MYH7B: variants seen among roughly 807,000 people sequenced by gnomAD.
The protein encoded by MYH7B is myosin heavy chain 7B, also known as myosin-7B.
In MYH7B, 205 loss-of-function variants were observed where a neutral mutation model predicts 234.5. The ratio of observed to expected loss-of-function variants is 0.87; its 90% CI spans 0.78 to 0.98. MYH7B has a LOEUF of 0.98. Among genes scored for constraint, MYH7B ranks in the 50% least tolerant of loss-of-function variants. The pLI, the probability that MYH7B is intolerant of heterozygous loss-of-function variation, is 0.00. For missense variants in MYH7B, 2,652 were observed against 2,633.4 expected, an observed-to-expected ratio of 1.01 and a Z score of -0.15; for synonymous variants, 1,193 against 1,105.0, an observed-to-expected ratio of 1.08 and a Z score of -1.58.
At chr20:35,000,518 G>C in exon 39 of MYH7B, 1 of 1,594,708 alleles carries the variant, frequency 6.3e-7, no homozygotes, top group East Asian at 2.2e-5. Context: ...AGGAGCAGCG[G>C]CTGGCAGCTG....
At chr20:34,958,754 G>A (rs578144537) in intron 2 of MYH7B, among the ~76,000 whole-genome samples, 2 of 152,228 alleles carry the variant, frequency 1.3e-5, no homozygotes, top group South Asian at 2.1e-4. Flanking sequence ...GTGAGCCACC[G>A]TGCCCGGCCT....
At chr20:34,980,876 G>A (rs1482138013) in intron 8 of MYH7B, 142 bp downstream of exon 8, 8 of 1,481,628 alleles carry the variant, frequency 5.4e-6, no homozygotes, top group Middle Eastern at 3.7e-4. Context: ...CTGTCCCTCC[G>A]CATGGGAGCT....
intron 44 of MYH7B, 38 bp from the exon 45 acceptor site, chr20:35,002,139 A>C: frequency 6.2e-7 from 1 of 1,603,872 alleles, no homozygotes; most frequent in Non-Finnish European, 8.5e-7. Context: ...GGGGGCTGAC[A>C]GGTAGTACTG....
chr20:34,990,063 A>G, exon 21 of MYH7B: 1 of 1,614,150 alleles, frequency 6.2e-7, no homozygotes, highest in Non-Finnish European at 8.5e-7. Context: ...GATCCCCTGA[A>G]TGAGACCGTG....
intron 28 of MYH7B, 91 bp from the exon 29 acceptor site, chr20:34,996,255 G>A: frequency 7.0e-7 from 1 of 1,430,240 alleles, no homozygotes; most frequent in South Asian, 1.3e-5. Flanking sequence ...TCCCATAGCT[G>A]GAAGGGGCAC....
intron 2 of MYH7B, among the ~76,000 whole-genome samples, chr20:34,973,925 ATTT>A (rs34442200): frequency 2.5e-5 from 3 of 121,416 alleles, no homozygotes; most frequent in Non-Finnish European, 3.4e-5. Flanking sequence ...TGCCTGGCTA[ATTT>A]TTTTTTTTTT....
At chr20:34,994,387 C>T (rs781359472) in exon 27 of MYH7B, 10 of 1,581,584 alleles carry the variant, frequency 6.3e-6, no homozygotes, top group Non-Finnish European at 8.6e-6. Flanking sequence ...TGACCTGGCC[C>T]TGCAGCTGCA....
At chr20:34,996,631 CAGG>C (rs776173455) in exon 30 of MYH7B, 10 of 1,612,106 alleles carry the variant, frequency 6.2e-6, no homozygotes, top group East Asian at 2.2e-5. Flanking sequence ...CTCCCTGGAG[CAGG>C]AGAAGAAGCT....
At chr20:34,957,831 C>G (rs2081656076) in intron 1 of MYH7B, among the ~76,000 whole-genome samples, 3 of 152,310 alleles carry the variant, frequency 2.0e-5, no homozygotes, top group African/African-American at 7.2e-5. Context: ...TATCTGACTA[C>G]AGGACAGGCT....
At chr20:34,971,396 C>T (rs1018516974) in intron 2 of MYH7B, among the ~76,000 whole-genome samples, 1 of 152,134 alleles carries the variant, frequency 6.6e-6, no homozygotes, top group African/African-American at 2.4e-5. Context: ...TTCCCCACCC[C>T]CTCCCCCCAG....
intron 27 of MYH7B, 64 bp from the exon 28 acceptor site, chr20:34,995,272 T>C: frequency 6.5e-7 from 1 of 1,541,698 alleles, no homozygotes; most frequent in Non-Finnish European, 8.8e-7. Context: ...GGGCCTGGCC[T>C]GGTGTCTCTC....
chr20:34,989,577 A>ATGG (rs2082100678), intron 19 of MYH7B, among the ~76,000 whole-genome samples, 163 bp from the exon 20 acceptor site: 2 of 152,142 alleles, frequency 1.3e-5, no homozygotes. Flanking sequence ...CTGTTAGGAG[A>ATGG]TGGGTTCTTG....
chr20:34,989,692 AG>A, intron 19 of MYH7B, 47 bp from the exon 20 acceptor site: 2 of 1,573,878 alleles, frequency 1.3e-6, no homozygotes. Flanking sequence ...CAGTCCTTCC[AG>A]GATGGACTGG....
chr20:34,985,005 G>A (rs1206265654), intron 12 of MYH7B, 59 bp downstream of exon 12: 1 of 1,610,730 alleles, frequency 6.2e-7, no homozygotes, highest in Non-Finnish European at 8.5e-7. Context: ...CGGCAGGTCG[G>A]GCACAGGTGG....
intron 2 of MYH7B, among the ~76,000 whole-genome samples, chr20:34,967,253 C>A (rs1186156851): frequency 1.3e-5 from 2 of 151,832 alleles, no homozygotes; most frequent in East Asian, 1.9e-4. Flanking sequence ...AAATTTAAGG[C>A]CCAAAGCATT....
intron 22 of MYH7B, 58 bp downstream of exon 22, chr20:34,990,368 C>T (rs375509152): frequency 6.3e-7 from 1 of 1,586,506 alleles, no homozygotes; most frequent in Non-Finnish European, 8.7e-7. Flanking sequence ...CCCCGTCCTT[C>T]ACCCCCTGCC....
At chr20:34,980,840 C>T (rs994651192) in intron 8 of MYH7B, 106 bp downstream of exon 8, 141 of 1,530,328 alleles carry the variant, frequency 9.2e-5, no homozygotes, top group Non-Finnish European at 1.6e-5. Flanking sequence ...CCTTTTGACG[C>T]TGCTGGACAT....
exon 5 of MYH7B, chr20:34,978,015 G>A: frequency 6.2e-7 from 1 of 1,614,154 alleles, no homozygotes. Flanking sequence ...CATGATGGAT[G>A]TGAGTGAACT....
exon 3 of MYH7B, chr20:34,975,476 A>G: frequency 1.4e-6 from 1 of 711,540 alleles, no homozygotes; most frequent in Non-Finnish European, 2.6e-6. Flanking sequence ...GGGCCTCCCA[A>G]AGTGCTGGAA....
Sources: gnomAD v4.1 joint callset for allele counts (sites outside exome capture counted in the v4.1 genomes callset) on GRCh38, gnomAD v4.1.1 for gene constraint, MANE v1.5 for transcripts, NCBI Gene and HGNC (gene_info 2026-07-23, HGNC 2026-07-21) for gene names.